The following CSNK2A1 variants were observed in gnomAD, a reference collection of about 807,000 sequenced individuals.
The protein encoded by CSNK2A1 is casein kinase 2 alpha 1, also known as casein kinase II subunit alpha.
In CSNK2A1, 10 loss-of-function variants were observed where a neutral mutation model predicts 62.9. That is an observed-to-expected ratio of 0.16 (90% CI 0.10 to 0.27). CSNK2A1 has a LOEUF of 0.27. Ranked by LOEUF, CSNK2A1 falls within the 10% of genes least tolerant of loss-of-function variation. CSNK2A1 has a pLI of 1.00. For missense variants in CSNK2A1, 160 were observed against 492.0 expected (o/e 0.33, Z 6.38); for synonymous variants, 124 against 167.8 (o/e 0.74, Z 2.02).
intron 13 of CSNK2A1, among the ~76,000 whole-genome samples, chr20:485,107 A>C (rs867226645): frequency 1.1e-4 from 2 of 17,722 alleles, no homozygotes; most frequent in African/African-American, 1.7e-4. Context: ...AAAAAAAAAA[A>C]AAATATATAT....
chr20:487,560 T>A lies in CSNK2A1; in HGVS notation c.840A>T (p.Arg280=), dbSNP rs1382098759. The A allele has an allele frequency of 6.2e-7, 1 of 1,614,188 alleles. No individual in the cohort carries two copies. The highest frequency in any genetic ancestry group is 8.5e-7 in the Non-Finnish European group (1 of 1,180,028). ...TTTCACTGTGGACAAAGCGTTCCCA[T>A]CGCTTTCGAGAGTGTCTGCAGGACC... ...NDILGRHSRK[R]WERFVHSENQ... The change falls in exon 12 of 14, where the codon CGA becomes CGT. Residue 280 remains arginine (R), a synonymous_variant. Transcript: ENST00000217244.
At chr20:495,662 G>T in intron 8 of CSNK2A1, 57 bp downstream of exon 8, 1 of 1,462,604 alleles carries the variant, frequency 6.8e-7, no homozygotes, top group Non-Finnish European at 9.6e-7. Context: ...AAGTGTTGAA[G>T]ATGGGCAATT....
In CSNK2A1 at chr20:474,406, A is replaced by G. The variant is rs1257832460; in HGVS notation, c.*9555T>C. 3.3e-5 allele frequency: 5 copies of G among 152,178 alleles called. No individual in the cohort carries two copies. Among genetic ancestry groups the G allele is most frequent in the African/African-American group, 4.8e-5 (2 of 41,428 alleles). 9.4% of individuals were successfully genotyped at this position (152,178 alleles called of 1,614,324 possible). On this transcript the variant is annotated 3_prime_UTR_variant, in exon 14 of 14. Transcript: ENST00000217244. ...AATCAGGAATTGAGACGAGATGGGA[A>G]GGCATCAAGACCAGTTATCTGCTAT...
chr20:525,688 T>C (rs1314568342), intron 2 of CSNK2A1, among the ~76,000 whole-genome samples: 1 of 142,644 alleles, frequency 7.0e-6, no homozygotes, highest in African/African-American at 2.6e-5. Flanking sequence ...ATAATAATAA[T>C]TAGGCTGTGC....
intron 8 of CSNK2A1, chr20:495,019 T>A (rs1029827184): frequency 6.6e-6 from 1 of 152,044 alleles, no homozygotes; most frequent in Non-Finnish European, 1.5e-5. Flanking sequence ...TAACTTTCTA[T>A]CCCACCAGCC....
At chr20:493,254 T>C (rs2018271471) in intron 8 of CSNK2A1, among the ~76,000 whole-genome samples, 2 of 152,142 alleles carry the variant, frequency 1.3e-5, no homozygotes, top group South Asian at 4.1e-4. Context: ...GGTTCTATCA[T>C]ATTGTGACCA....
At chr20:497,489 T>C (rs1490714177) in intron 7 of CSNK2A1, among the ~76,000 whole-genome samples, 1 of 152,070 alleles carries the variant, frequency 6.6e-6, no homozygotes, top group African/African-American at 2.4e-5. Flanking sequence ...GATCTCACTA[T>C]GTCACCCAGG....
chr20:481,054 T>A lies in CSNK2A1; in HGVS notation c.*2907A>T, dbSNP rs956729072. 5.9e-5 allele frequency: 9 copies of A among 152,214 alleles called. No individual in the cohort carries two copies. The highest frequency in any genetic ancestry group is 1.9e-4 in the African/African-American group (8 of 41,456). The allele number at this position is 152,214 out of a possible 1,614,324, so 9.4% of individuals were successfully genotyped here. A position where few individuals can be genotyped will look rare whatever the true frequency, so the allele number is the denominator to read the frequency against. ...AATTCAAAACGTGAAAACGGAGCCA[T>A]CTATCACACACGGTGTCGGTTGGAG... On this transcript the variant is annotated 3_prime_UTR_variant, in exon 14 of 14. Coordinates refer to ENST00000217244, the MANE Select transcript of CSNK2A1 (RefSeq NM_177559.3).
chr20:517,857 A>G lies in CSNK2A1; in HGVS notation c.-109-9197T>C, dbSNP rs935327116. 9.2e-5 allele frequency among the ~76,000 whole-genome samples: 14 copies of G among 152,284 alleles called. No homozygotes were observed. The East Asian group carries it at 2.7e-3, about 29-fold the overall frequency. On this transcript the variant is annotated intron_variant, in intron 2 of 13. Transcript: ENST00000217244. ...GCTTTTTTTGCACATCAGGTCAGCA[A>G]CCTTTTTATATCTGATTTGGAGACT...
chr20:494,747 CCTT>C (rs2018311018), intron 8 of CSNK2A1: 1 of 152,244 alleles, frequency 6.6e-6, no homozygotes, highest in South Asian at 2.1e-4. Flanking sequence ...TTCATTTCCT[CCTT>C]CTTTCCCCGC....
chr20:493,586 T>A (rs888095688), intron 8 of CSNK2A1, among the ~76,000 whole-genome samples: 2 of 152,192 alleles, frequency 1.3e-5, no homozygotes, highest in Non-Finnish European at 2.9e-5. Context: ...ATAACTACAG[T>A]ACAATATCAA....
chr20:535,983 A>C (rs1180140404), intron 1 of CSNK2A1, among the ~76,000 whole-genome samples: 1 of 152,192 alleles, frequency 6.6e-6, no homozygotes. Context: ...CCTCTGATCT[A>C]TATTTACAAG....
rs189121913 is a variant in CSNK2A1, at chr20:475,298, A to G, written c.*8663T>C. 3.3e-5 allele frequency: 5 copies of G among 152,260 alleles called. No homozygotes were observed. In the East Asian group the frequency reaches 9.7e-4, roughly 29 times the overall value. 9.4% of individuals were successfully genotyped at this position (152,260 alleles called of 1,614,324 possible). A position where few individuals can be genotyped will look rare whatever the true frequency, so the allele number is the denominator to read the frequency against. On this transcript the variant is annotated 3_prime_UTR_variant, in exon 14 of 14. Transcript: ENST00000217244. ...ACATGGTGAAACCCTGTTGTTTTGT[A>G]AAAATACAAAAACTATCTGGGTGTG...
At chr20:488,040 C>CA (rs1683672404) in intron 11 of CSNK2A1, 1 of 142,748 alleles carries the variant, frequency 7.0e-6, no homozygotes, top group Non-Finnish European at 1.5e-5. Flanking sequence ...TGCATATAGC[C>CA]TTTTTTTTTT....
chr20:504,397 A>G (rs1164786729), intron 4 of CSNK2A1: 1 of 152,160 alleles, frequency 6.6e-6, no homozygotes, highest in Non-Finnish European at 1.5e-5. Context: ...TAAGTTCCCA[A>G]TATATGACAG....
chr20:536,514 T>C (rs1317085655), intron 1 of CSNK2A1, among the ~76,000 whole-genome samples: 1 of 152,178 alleles, frequency 6.6e-6, no homozygotes, highest in Non-Finnish European at 1.5e-5. Context: ...TTGCCCAAGG[T>C]AGTTGTTATC....
At chr20:528,861 T>C (rs2019152672) in intron 1 of CSNK2A1, among the ~76,000 whole-genome samples, 1 of 152,196 alleles carries the variant, frequency 6.6e-6, no homozygotes. Flanking sequence ...TCAGAGGTAG[T>C]GATTGGAAAA....
intron 8 of CSNK2A1, chr20:494,063 T>C (rs1334435003): frequency 2.7e-5 from 4 of 148,964 alleles, no homozygotes; most frequent in Non-Finnish European, 4.4e-5. Context: ...AGTCTCGCTC[T>C]GTCACCCAGG....
rs2017861556 is a variant in CSNK2A1 at position 477,026 on chromosome 20, CACT to C, written c.*6932_*6934del. The C allele has an allele frequency of 6.6e-6, 1 of 152,270 alleles. No homozygotes were observed. The highest frequency in any genetic ancestry group is 6.6e-5 in the Admixed American group (1 of 15,238). 9.4% of individuals were successfully genotyped at this position (152,270 alleles called of 1,614,324 possible). On this transcript the variant is annotated 3_prime_UTR_variant, in exon 14 of 14. Coordinates refer to ENST00000217244, the MANE Select transcript of CSNK2A1 (RefSeq NM_177559.3). ...CTGCCTCAGCCTCCAGAGTAGCTAG[CACT>C]ACAGGCATGTGCCACCACATCCAGC...
Sources: gnomAD v4.1 joint callset for allele counts (sites outside exome capture counted in the v4.1 genomes callset) on GRCh38, gnomAD v4.1.1 for gene constraint, MANE v1.5 for transcripts, NCBI Gene and HGNC (gene_info 2026-07-23, HGNC 2026-07-21) for gene names.